The following TLN2 variants were observed in gnomAD, a reference collection of about 807,000 sequenced individuals.
TLN2 encodes talin-2.
In TLN2, 118 loss-of-function variants were observed where a neutral mutation model predicts 294.7. That is an observed-to-expected ratio of 0.40 (90% CI 0.34 to 0.47). TLN2 has a LOEUF of 0.47. TLN2 is among the 20% of genes least tolerant of loss of function. The probability of loss-of-function intolerance (pLI) is 0.84; values close to 1 mark genes in which losing one functional copy is unlikely to be tolerated. For synonymous variants in TLN2, 1,431 were observed against 1,304.5 expected, an observed-to-expected ratio of 1.10 and a Z score of -2.09; for missense variants, 3,083 against 3,282.2, an observed-to-expected ratio of 0.94 and a Z score of 1.48.
In TLN2 at chr15:62,797,234, G is replaced by A. The variant is rs1174746133; in HGVS notation, c.6066G>A (p.Lys2022=). Residue 2022 remains lysine, a synonymous_variant, in exon 48 of 59, where the codon AAG becomes AAA. Transcript: ENST00000636159. ...GCTCTCTCAGGGAGAACATTCTCAA[G>A]ACGGCCAAGGCCTTGGTAGAAGACA... is the stretch of plus-strand genomic sequence containing the variant. ...TFADHRENIL[K]TAKALVEDTK... is the part of the protein sequence containing the mutation. The A allele has an allele frequency of 6.2e-7, 1 of 1,614,120 alleles. No individual in the cohort carries two copies. The highest frequency in any genetic ancestry group is 2.2e-5 in the East Asian group (1 of 44,864).
intron 13 of TLN2, among the ~76,000 whole-genome samples, chr15:62,693,727 T>G (rs1031964585): frequency 6.6e-6 from 1 of 152,194 alleles, no homozygotes; most frequent in Non-Finnish European, 1.5e-5. Flanking sequence ...TGTTAATATG[T>G]GCATCTTGAT....
At chr15:62,833,275 A>G (rs1291632331) in intron 54 of TLN2, 14 of 531,142 alleles carry the variant, frequency 2.6e-5, no homozygotes, top group Non-Finnish European at 3.6e-5. Flanking sequence ...CACATCTTCC[A>G]CACTGTGACC....
intron 1 of TLN2, among the ~76,000 whole-genome samples, chr15:62,454,975 C>A (rs994655243): frequency 6.6e-6 from 1 of 152,118 alleles, no homozygotes; most frequent in Non-Finnish European, 1.5e-5. Context: ...CACTTTTCCT[C>A]CCCCCGGGGG....
chr15:62,456,174 T>C (rs1422869923), intron 1 of TLN2, among the ~76,000 whole-genome samples: 1 of 152,156 alleles, frequency 6.6e-6, no homozygotes, highest in Non-Finnish European at 1.5e-5. Context: ...GCCTTCCTTT[T>C]CCAAGGGCCT....
intron 1 of TLN2, among the ~76,000 whole-genome samples, chr15:62,537,354 G>T (rs984447581): frequency 1.3e-5 from 2 of 152,110 alleles, no homozygotes; most frequent in Non-Finnish European, 2.9e-5. Context: ...TAAACAGGTG[G>T]TGTTCAAGGA....
At chr15:62,671,474 G>C (rs898267446) in intron 9 of TLN2, among the ~76,000 whole-genome samples, 1 of 152,114 alleles carries the variant, frequency 6.6e-6, no homozygotes, top group Non-Finnish European at 1.5e-5. Flanking sequence ...GAAGTAGGGG[G>C]TCCAATTTCT....
intron 1 of TLN2, among the ~76,000 whole-genome samples, chr15:62,528,842 T>C (rs947681162): frequency 2.0e-5 from 3 of 152,132 alleles, no homozygotes; most frequent in Admixed American, 2.0e-4. Flanking sequence ...CTATGGCTGA[T>C]GTCTCTCAGC....
chr15:62,414,895 A>G (rs958971127), intron 1 of TLN2, among the ~76,000 whole-genome samples: 1 of 140,748 alleles, frequency 7.1e-6, no homozygotes, highest in African/African-American at 2.5e-5. Flanking sequence ...CATGCCTTTT[A>G]AAATTTTTAT....
rs765087405 is a variant in TLN2 at position 62,840,501 on chromosome 15, A to T, written c.7520A>T (p.Glu2507Val). Residue 2507 changes from glutamate (E) to valine (V), a missense_variant, in exon 59 of 59, where the codon GAA becomes GTA. By Grantham distance (121) the Glu-to-Val change is moderately radical. Coordinates refer to ENST00000636159, the MANE Select transcript of TLN2 (RefSeq NM_015059.3). ...TTCTAGATCATCGCCGCCCAGGAAGAAATGCTAAAGAAAGAGCGAGAACTG... is the reference window on the plus strand; with the variant it reads ...TTCTAGATCATCGCCGCCCAGGAAGTAATGCTAAAGAAAGAGCGAGAACTG... ...GIAQIIAAQE[E>V]MLKKERELEE... 1.9e-6 allele frequency: 3 copies of T among 1,614,204 alleles called. No individual in the cohort carries two copies.
intron 1 of TLN2, among the ~76,000 whole-genome samples, chr15:62,417,804 T>C (rs1426130592): frequency 6.6e-6 from 1 of 152,224 alleles, no homozygotes; most frequent in Admixed American, 6.5e-5. Context: ...ATGCATTCAT[T>C]GGGACAGAAA....
intron 5 of TLN2, among the ~76,000 whole-genome samples, chr15:62,650,863 G>A (rs2140942474): frequency 6.6e-6 from 1 of 152,168 alleles, no homozygotes; most frequent in Admixed American, 6.5e-5. Flanking sequence ...CTAGTTTTAG[G>A]AAGTGTAGTA....
At chr15:62,515,760 A>C (rs569221509) in intron 1 of TLN2, among the ~76,000 whole-genome samples, 1 of 151,846 alleles carries the variant, frequency 6.6e-6, no homozygotes, top group South Asian at 2.1e-4. Context: ...GTGTGTTTTT[A>C]TATCAGACTC....
chr15:62,553,804 T>C (rs2042454740), intron 1 of TLN2, among the ~76,000 whole-genome samples: 1 of 152,220 alleles, frequency 6.6e-6, no homozygotes, highest in Non-Finnish European at 1.5e-5. Context: ...AAATGCTTCC[T>C]TATTATTTAT....
chr15:62,547,548 T>G (rs4774438), intron 1 of TLN2, among the ~76,000 whole-genome samples: 75,618 of 152,014 alleles, frequency 0.5, 20,051 homozygotes, highest in African/African-American at 0.69. Context: ...GCTCCGAAGG[T>G]ATCTGGAGCT....
Position 62,563,944 on chromosome 15 carries a change from C to T in TLN2, c.-237-25743C>T, listed in dbSNP as rs76376436. On this transcript the variant is annotated intron_variant, in intron 1 of 58. Coordinates refer to ENST00000636159, the MANE Select transcript of TLN2 (RefSeq NM_015059.3). ...GGGGTGGGGTTCTCAGGAAGGGAGA[C>T]CTGACCTTACTCCTTTTGGTATTGC... 4.1e-3 allele frequency among the ~76,000 whole-genome samples: 628 copies of T among 152,284 alleles called. 12 individuals carry two copies. The East Asian group carries it at 0.046, about 11-fold the overall frequency.
intron 12 of TLN2, among the ~76,000 whole-genome samples, chr15:62,692,546 C>G (rs1034555169): frequency 2.6e-5 from 4 of 152,098 alleles, no homozygotes; most frequent in African/African-American, 4.8e-5. Context: ...AATGTTCAGG[C>G]CTCTACAACT....
chr15:62,542,904 C>G (rs2041779494), intron 1 of TLN2, among the ~76,000 whole-genome samples: 1 of 152,130 alleles, frequency 6.6e-6, no homozygotes, highest in Admixed American at 6.5e-5. Flanking sequence ...ATGAAATTCA[C>G]TAAGACTAGA....
chr15:62,739,600 T>C, intron 31 of TLN2, 55 bp downstream of exon 31: 3 of 1,592,974 alleles, frequency 1.9e-6, no homozygotes, highest in Non-Finnish European at 1.7e-6. Flanking sequence ...CTCGGATGGA[T>C]AATCCATCCT....
rs181193317 is a variant in TLN2 at position 62,776,720 on chromosome 15, C to T, written c.5368-44C>T. ...AGGTTATTCTTAGAAGACTGAGCAC[C>T]GCTCTCTTCTGCTTAAGGAAATGTT... is the stretch of plus-strand genomic sequence containing the variant. On this transcript the variant is annotated intron_variant, in intron 42 of 58. Transcript: ENST00000636159. 126 of 1,408,672 alleles carry T rather than the reference C, an allele frequency of 8.9e-5. 1 individual carries two copies. In the East Asian group the frequency reaches 2.6e-3, roughly 29 times the overall value. 87.3% of individuals were successfully genotyped at this position (1,408,672 alleles called of 1,614,324 possible).
Sources: allele counts gnomAD v4.1 joint callset (sites outside exome capture counted in the v4.1 genomes callset), GRCh38; gene constraint gnomAD v4.1.1; transcripts MANE v1.5; gene names NCBI Gene and HGNC (gene_info 2026-07-23, HGNC 2026-07-21).